LTBP1: variants seen among roughly 807,000 people sequenced by gnomAD.
LTBP1 encodes the protein latent transforming growth factor beta binding protein 1, also known as latent-transforming growth factor beta-binding protein 1.
In LTBP1, 129 loss-of-function variants were observed where a neutral mutation model predicts 207.6. The ratio of observed to expected loss-of-function variants is 0.62; its 90% CI spans 0.54 to 0.72. The LOEUF is 0.72. Ranked by LOEUF, LTBP1 falls within the 30% of genes least tolerant of loss-of-function variation. The probability of loss-of-function intolerance (pLI) is 0.00; values close to 1 mark genes in which losing one functional copy is unlikely to be tolerated. For synonymous variants in LTBP1, 963 were observed against 833.7 expected, an observed-to-expected ratio of 1.16 and a Z score of -2.67; for missense variants, 2,281 against 2,217.2, an observed-to-expected ratio of 1.03 and a Z score of -0.58.
intron 2 of LTBP1, among the ~76,000 whole-genome samples, chr2:33,017,438 T>TA (rs1688541117): frequency 1.3e-5 from 2 of 152,166 alleles, no homozygotes; most frequent in African/African-American, 4.8e-5. Context: ...TTAGCAGGCT[T>TA]GGGGTAGCCC....
chr2:33,199,783 G>T (rs2088999658), intron 7 of LTBP1, among the ~76,000 whole-genome samples: 1 of 151,882 alleles, frequency 6.6e-6, no homozygotes, highest in South Asian at 2.1e-4. Context: ...AAAGTCTCAG[G>T]ATACAAAATC....
At chr2:33,325,731 T>C (rs1019560156) in intron 24 of LTBP1, among the ~76,000 whole-genome samples, 1 of 152,214 alleles carries the variant, frequency 6.6e-6, no homozygotes, top group Non-Finnish European at 1.5e-5. Context: ...CCTTAATACC[T>C]AAAGAACTGT....
intron 10 of LTBP1, among the ~76,000 whole-genome samples, chr2:33,246,573 C>G (rs147863000): frequency 1.3e-5 from 2 of 152,034 alleles, no homozygotes; most frequent in African/African-American, 4.8e-5. Flanking sequence ...AGGGATGAAG[C>G]CTGCAGGCAA....
intron 7 of LTBP1, among the ~76,000 whole-genome samples, chr2:33,201,416 G>T (rs1225577736): frequency 6.6e-6 from 1 of 150,850 alleles, no homozygotes; most frequent in East Asian, 2.0e-4. Flanking sequence ...CTCATAGGTG[G>T]GAATTGAACA....
intron 19 of LTBP1, among the ~76,000 whole-genome samples, chr2:33,282,068 T>TGC (rs2093569555): frequency 8.9e-6 from 1 of 112,682 alleles, no homozygotes; most frequent in Admixed American, 8.1e-5. Context: ...TGTGCATATA[T>TGC]ATATATATAT....
chr2:33,139,197 C>T (rs1016273413), intron 5 of LTBP1, among the ~76,000 whole-genome samples: 6 of 151,962 alleles, frequency 3.9e-5, no homozygotes, highest in Non-Finnish European at 7.4e-5. Context: ...TTGATGCTTA[C>T]TGCCTCTTCG....
chr2:33,056,286 A>T, intron 3 of LTBP1: 2 of 666,176 alleles, frequency 3.0e-6, no homozygotes, highest in African/African-American at 1.9e-5. Flanking sequence ...AGTGTTTCCC[A>T]TCTGAAAGAC....
intron 26 of LTBP1, among the ~76,000 whole-genome samples, chr2:33,352,351 C>T (rs1477610180): frequency 1.3e-5 from 2 of 152,060 alleles, no homozygotes; most frequent in African/African-American, 4.8e-5. Flanking sequence ...AGGCTGATCT[C>T]GAACTCCTGA....
intron 7 of LTBP1, among the ~76,000 whole-genome samples, chr2:33,195,707 C>G (rs1253859220): frequency 5.3e-5 from 8 of 152,168 alleles, no homozygotes. Context: ...ATTGATAAAG[C>G]ATTAGCAGGA....
At chr2:33,038,764 G>T (rs1318556395) in intron 3 of LTBP1, among the ~76,000 whole-genome samples, 1 of 152,204 alleles carries the variant, frequency 6.6e-6, no homozygotes, top group Admixed American at 6.5e-5. Flanking sequence ...ATGACTATAC[G>T]CTTGAGTCTT....
chr2:33,175,376 T>A (rs1389275820), intron 5 of LTBP1, among the ~76,000 whole-genome samples: 1 of 151,846 alleles, frequency 6.6e-6, no homozygotes, highest in African/African-American at 2.4e-5. Flanking sequence ...AAGAAGCCAT[T>A]TATGCAGCCA....
chr2:32,973,508 G>A (rs1681237955), intron 2 of LTBP1, among the ~76,000 whole-genome samples: 1 of 151,820 alleles, frequency 6.6e-6, no homozygotes, highest in Non-Finnish European at 1.5e-5. Flanking sequence ...CATGATATAG[G>A]CATGCAATGC....
At chr2:33,265,837 A>G (rs576301066) in intron 15 of LTBP1, among the ~76,000 whole-genome samples, 1 of 152,350 alleles carries the variant, frequency 6.6e-6, no homozygotes, top group East Asian at 1.9e-4. Flanking sequence ...TGAATTTATG[A>G]TACCACTGCA....
intron 2 of LTBP1, among the ~76,000 whole-genome samples, chr2:32,967,808 G>T (rs78975116): frequency 0.063 from 9,658 of 152,190 alleles, 554 homozygotes; most frequent in East Asian, 0.24. Context: ...GGATGAAGTA[G>T]TAAATACATG....
At chr2:33,193,921 A>G (rs1173748077) in intron 7 of LTBP1, among the ~76,000 whole-genome samples, 1 of 152,338 alleles carries the variant, frequency 6.6e-6, no homozygotes, top group African/African-American at 2.4e-5. Flanking sequence ...ATTGATAATA[A>G]CACAATGGCC....
intron 26 of LTBP1, among the ~76,000 whole-genome samples, chr2:33,347,791 A>T (rs2094724122): frequency 6.6e-6 from 1 of 152,174 alleles, no homozygotes; most frequent in Non-Finnish European, 1.5e-5. Flanking sequence ...TTTGCTGGGG[A>T]TTGCTTAAAA....
intron 7 of LTBP1, among the ~76,000 whole-genome samples, chr2:33,200,357 G>C (rs575579206): frequency 0.025 from 3,839 of 152,142 alleles, 178 homozygotes; most frequent in African/African-American, 0.088. Flanking sequence ...ACAAACCTGA[G>C]AAAAACAAGC....
At chr2:32,988,118 A>G (rs1683874202) in intron 2 of LTBP1, among the ~76,000 whole-genome samples, 1 of 152,202 alleles carries the variant, frequency 6.6e-6, no homozygotes, top group African/African-American at 2.4e-5. Context: ...CTCCCTAGGG[A>G]TATTCAGAGG....
At chr2:33,354,013 C>T (rs1248131056) in intron 26 of LTBP1, among the ~76,000 whole-genome samples, 1 of 152,096 alleles carries the variant, frequency 6.6e-6, no homozygotes, top group African/African-American at 2.4e-5. Context: ...GCTCCCGCCA[C>T]CATGCCCTGC....
Sources: gnomAD v4.1 joint callset for allele counts (sites outside exome capture counted in the v4.1 genomes callset) on GRCh38, gnomAD v4.1.1 for gene constraint, MANE v1.5 for transcripts, NCBI Gene and HGNC (gene_info 2026-07-23, HGNC 2026-07-21) for gene names.